Variants in APOBEC3A observed in about 807,000 individuals in gnomAD.
APOBEC3A encodes apolipoprotein B mRNA editing enzyme catalytic subunit 3A.
A neutral mutation model predicts 23.0 loss-of-function variants in APOBEC3A; 13 were observed. The observed-to-expected ratio is 0.57, with a 90% CI of 0.37 to 0.90. APOBEC3A has a LOEUF of 0.90. APOBEC3A is among the 40% of genes least tolerant of loss of function. The pLI, the probability that APOBEC3A is intolerant of heterozygous loss-of-function variation, is 0.01. For synonymous variants in APOBEC3A, 74 were observed against 101.3 expected (o/e 0.73, Z 1.62); for missense variants, 179 against 264.9 (o/e 0.68, Z 2.25).
intron 1 of APOBEC3A, among the ~76,000 whole-genome samples, chr22:38,958,644 T>C (rs186719701): frequency 6.6e-6 from 1 of 150,472 alleles, no homozygotes; most frequent in African/African-American, 2.5e-5. Flanking sequence ...TTTTCTTTCT[T>C]TTCTTTCTTT....
At chr22:38,959,459 G>A in intron 1 of APOBEC3A, 83 bp from the exon 2 acceptor site, 2 of 1,521,108 alleles carry the variant, frequency 1.3e-6, no homozygotes, top group South Asian at 1.2e-5. Flanking sequence ...GGGGTGCAAG[G>A]GAGGAAGTGT....
chr22:38,961,811 C>T (rs1461425139), intron 3 of APOBEC3A, 130 bp downstream of exon 3: 11 of 1,210,020 alleles, frequency 9.1e-6, no homozygotes, highest in Admixed American at 4.8e-5. Context: ...ACTTTGGGGT[C>T]GATGGGAAGA....
intron 2 of APOBEC3A, 74 bp downstream of exon 2, chr22:38,959,760 A>T: frequency 6.4e-7 from 1 of 1,553,952 alleles, no homozygotes; most frequent in Non-Finnish European, 8.7e-7. Context: ...AAGGTTCCGG[A>T]TTGTACTTGT....
chr22:38,962,012 G>A (rs1157114675), intron 3 of APOBEC3A, 86 bp from the exon 4 acceptor site: 6 of 1,505,692 alleles, frequency 4.0e-6, no homozygotes, highest in African/African-American at 1.4e-5. Flanking sequence ...CCAGGATGTG[G>A]GAAGTCTGTC....
At position 38,957,671 on chromosome 22, in the gene APOBEC3A, G is replaced by A. The variant is rs1922629718; in HGVS notation, c.-21G>A. On this transcript the variant is annotated 5_prime_UTR_variant, in exon 1 of 5. Coordinates refer to ENST00000249116, the MANE Select transcript of APOBEC3A (RefSeq NM_145699.4). ...GCAAGAGCGGGAGGACACAGACCAG[G>A]AACCGAGAAGGGACAAGCACATGGA... 6.2e-7 allele frequency: 1 copy of A among 1,611,888 alleles called. No individual in the cohort carries two copies. The highest frequency in any genetic ancestry group is 1.3e-5 in the African/African-American group (1 of 74,898).
rs1204276623 is a variant in APOBEC3A, at chr22:38,963,153, G to C, written c.*644G>C. On this transcript the variant is annotated 3_prime_UTR_variant, in exon 5 of 5. Transcript: ENST00000249116. ...ATAATTGCTTTTGCTCAGTAACTGT[G>C]TCATGAATTGCAAGAGTTTCCACAA... 1 of 152,350 alleles carries C rather than the reference G, an allele frequency of 6.6e-6. No homozygotes were observed. Among genetic ancestry groups the C allele is most frequent in the Non-Finnish European group, 1.4e-5 (1 of 69,638 alleles). 9.4% of individuals were successfully genotyped at this position (152,350 alleles called of 1,614,324 possible). A position where few individuals can be genotyped will look rare whatever the true frequency, so the allele number is the denominator to read the frequency against.
At chr22:38,957,786 T>C (rs1770517423) in intron 1 of APOBEC3A, 66 bp downstream of exon 1, 2 of 1,566,514 alleles carry the variant, frequency 1.3e-6, no homozygotes, top group South Asian at 1.2e-5. Context: ...TGATGAGCAC[T>C]CACCTCTCAC....
In APOBEC3A at chr22:38,958,389, T is replaced by C. The variant is rs201844302; in HGVS notation, c.29+669T>C. 2.5e-3 allele frequency among the ~76,000 whole-genome samples: 282 copies of C among 113,070 alleles called. 2 individuals are homozygous for C. Among genetic ancestry groups the C allele is most frequent in the African/African-American group, 0.011 (269 of 25,330 alleles). The allele number at this position is 113,070 out of a possible 152,430, so 74.2% of individuals were successfully genotyped here. A position where few individuals can be genotyped will look rare whatever the true frequency, so the allele number is the denominator to read the frequency against. On this transcript the variant is annotated intron_variant, in intron 1 of 4. Coordinates refer to ENST00000249116, the MANE Select transcript of APOBEC3A (RefSeq NM_145699.4). ...TTTATTTCTTTTTCTTCTTTCTCTCTCTTCCCTCCCTCCTTCCTTCCCTTC... is the reference window on the plus strand; with the variant it reads ...TTTATTTCTTTTTCTTCTTTCTCTCCCTTCCCTCCCTCCTTCCTTCCCTTC...
chr22:38,962,131 A>C lies in APOBEC3A; in HGVS notation c.503A>C (p.His168Pro). Residue 168 changes from histidine (H) to proline (P), a missense_variant, in exon 4 of 5, where the codon CAC becomes CCC. Transcript: ENST00000249116. Reference protein sequence around the residue: ...FKHCWDTFVDHQGCPFQPWDG... With the variant: ...FKHCWDTFVDPQGCPFQPWDG... ...CACTGCTGGGACACCTTTGTGGACC[A>C]CCAGGGATGTCCCTTCCAGCCCTGG... 2 of 1,611,924 alleles carry C rather than the reference A, an allele frequency of 1.2e-6. No homozygotes were observed. Among genetic ancestry groups the C allele is most frequent in the African/African-American group, 1.3e-5 (1 of 74,780 alleles).
intron 1 of APOBEC3A, among the ~76,000 whole-genome samples, chr22:38,959,139 G>A (rs1216449498): frequency 1.3e-5 from 2 of 152,150 alleles, no homozygotes; most frequent in Non-Finnish European, 2.9e-5. Flanking sequence ...CCCGATGCTC[G>A]GTGTGGTAGG....
At chr22:38,959,485 G>C in intron 1 of APOBEC3A, 57 bp from the exon 2 acceptor site, 1 of 1,586,564 alleles carries the variant, frequency 6.3e-7, no homozygotes, top group Non-Finnish European at 8.6e-7. Flanking sequence ...GGGAGGAGGA[G>C]GCAGGGCAGT....
At position 38,957,681 on chromosome 22, in the gene APOBEC3A, G is replaced by T; in HGVS notation, c.-11G>T. The T allele has an allele frequency of 6.2e-7, 1 of 1,612,812 alleles. No homozygotes were observed. Among genetic ancestry groups the T allele is most frequent in the Non-Finnish European group, 8.5e-7 (1 of 1,179,352 alleles). ...GAGGACACAGACCAGGAACCGAGAAGGGACAAGCACATGGAAGCCAGCCCA... is the reference window on the plus strand; with the variant it reads ...GAGGACACAGACCAGGAACCGAGAATGGACAAGCACATGGAAGCCAGCCCA... On this transcript the variant is annotated 5_prime_UTR_variant, in exon 1 of 5. The change creates a new upstream start codon in the 5' untranslated region. Transcript: ENST00000249116.
chr22:38,960,253 G>A (rs1034792924), intron 2 of APOBEC3A, among the ~76,000 whole-genome samples: 2 of 152,348 alleles, frequency 1.3e-5, no homozygotes, highest in African/African-American at 4.8e-5. Flanking sequence ...GGAGAGACCA[G>A]GTAATGCTTG....
chr22:38,961,564 A>G lies in APOBEC3A; in HGVS notation c.352A>G (p.Thr118Ala), dbSNP rs774888537. The G allele has an allele frequency of 9.8e-6, 15 of 1,531,954 alleles. 3 individuals are homozygous for G. Among genetic ancestry groups the G allele is most frequent in the Non-Finnish European group, 1.1e-5 (12 of 1,118,660 alleles). 94.9% of individuals were successfully genotyped at this position (1,531,954 alleles called of 1,614,324 possible). A position where few individuals can be genotyped will look rare whatever the true frequency, so the allele number is the denominator to read the frequency against. Reference sequence around the variant, plus strand: ...AGTGCGTGCGTTCCTTCAGGAGAACACACACGTGAGACTGCGTATCTTCGC... The same window carrying G: ...AGTGCGTGCGTTCCTTCAGGAGAACGCACACGTGAGACTGCGTATCTTCGC... ...GEVRAFLQEN[T>A]HVRLRIFAAR... The change falls in exon 3 of 5, where the codon ACA becomes GCA. Residue 118 changes from threonine to alanine, a missense_variant. Physicochemically the swap from Thr to Ala is moderately conservative, Grantham distance 58. Transcript: ENST00000249116.
intron 1 of APOBEC3A, among the ~76,000 whole-genome samples, chr22:38,958,386 C>T (rs4821845): frequency 1 from 149,569 of 149,948 alleles, 74,596 homozygotes; most frequent in Middle Eastern, 1. Flanking sequence ...TCTTCTTTCT[C>T]TCTCTTCCCT....
At chr22:38,962,275 G>C in intron 4 of APOBEC3A, 62 bp downstream of exon 4, 1 of 1,611,832 alleles carries the variant, frequency 6.2e-7, no homozygotes. Context: ...CACTCCCCTG[G>C]GCCTTGCCTT....
At chr22:38,958,796 T>TTTCC (rs1569027435) in intron 1 of APOBEC3A, among the ~76,000 whole-genome samples, 3 of 135,880 alleles carry the variant, frequency 2.2e-5, no homozygotes, top group Non-Finnish European at 3.2e-5. Flanking sequence ...TCTTTCTTTC[T>TTTCC]TTCCTTCCTT....
chr22:38,961,767 G>C (rs1922902192), intron 3 of APOBEC3A, 86 bp downstream of exon 3: 1 of 1,072,790 alleles, frequency 9.3e-7, no homozygotes, highest in Admixed American at 2.3e-5. Flanking sequence ...TTGGTCTGCT[G>C]CCTGCAGAAA....
Position 38,961,504 on chromosome 22 carries a change from T to C in APOBEC3A, c.292T>C (p.Trp98Arg), listed in dbSNP as rs1032519287. 1 of 1,494,100 alleles carries C rather than the reference T, an allele frequency of 6.7e-7. No individual in the cohort carries two copies. The highest frequency in any genetic ancestry group is 1.6e-5 in the African/African-American group (1 of 63,326). 92.6% of individuals were successfully genotyped at this position (1,494,100 alleles called of 1,614,324 possible). A position where few individuals can be genotyped will look rare whatever the true frequency, so the allele number is the denominator to read the frequency against. ...QIYRVTWFIS[W>R]SPCFSWGCAG... ...CTACAGGGTCACTTGGTTCATCTCC[T>C]GGAGCCCCTGCTTCTCCTGGGGCTG... The change falls in exon 3 of 5, where the codon TGG becomes CGG. Residue 98 changes from tryptophan to arginine, a missense_variant. Trp to Arg is a moderately radical substitution (Grantham distance 101, BLOSUM62 -3). Around this residue, in one of 5 missense-constraint regions of APOBEC3A, gnomAD observed 10 missense variants for 64.3 expected, o/e 0.16. Coordinates refer to ENST00000249116, the MANE Select transcript of APOBEC3A (RefSeq NM_145699.4).
Sources: allele counts gnomAD v4.1 joint callset (sites outside exome capture counted in the v4.1 genomes callset), GRCh38; gene constraint gnomAD v4.1.1; regional missense constraint gnomAD v4.1.1; transcripts MANE v1.5; gene names NCBI Gene and HGNC (gene_info 2026-07-23, HGNC 2026-07-21).